The following PKHD1L1 variants were observed in gnomAD, a reference collection of about 807,000 sequenced individuals.
The protein encoded by PKHD1L1 is fibrocystin-L.
Under a neutral mutation model 462.9 loss-of-function variants are expected in PKHD1L1, and 434 were observed. That is an observed-to-expected ratio of 0.94 (90% CI 0.87 to 1.02). The LOEUF (loss-of-function observed/expected upper bound fraction) is 1.02, where lower values mean the gene tolerates loss of function less well. Ranked by LOEUF, PKHD1L1 falls within the 50% of genes least tolerant of loss-of-function variation. The pLI is 0.00. For synonymous variants in PKHD1L1, 1,781 were observed against 1,750.0 expected (o/e 1.02, Z -0.44); for missense variants, 5,202 against 5,096.1 (o/e 1.02, Z -0.63).
chr8:109,468,900 G>C (rs1817581597), intron 50 of PKHD1L1, among the ~76,000 whole-genome samples: 1 of 152,154 alleles, frequency 6.6e-6, no homozygotes, highest in Non-Finnish European at 1.5e-5. Flanking sequence ...GTAAGAAGCA[G>C]TGAATTTCTA....
chr8:109,426,876 C>A, intron 24 of PKHD1L1, 126 bp from the exon 25 acceptor site: 1 of 642,308 alleles, frequency 1.6e-6, no homozygotes, highest in South Asian at 1.8e-5. Context: ...TGATCTCAAA[C>A]GCCTGACCTC....
At chr8:109,411,125 A>C (rs967357237) in intron 19 of PKHD1L1, among the ~76,000 whole-genome samples, 19 of 152,008 alleles carry the variant, frequency 1.2e-4, no homozygotes, top group Admixed American at 5.9e-4. Context: ...GTTTTTATGT[A>C]TTATGTAGTT....
In PKHD1L1 at chr8:109,466,914, T is replaced by C. The variant is rs554873398; in HGVS notation, c.8605+145T>C. ...TAGAGTCCAAGCAGGAAACAAATAA[T>C]ACTCTCGAAGTAGGTGTTTGAGAAG... On this transcript the variant is annotated intron_variant, in intron 50 of 77. Coordinates refer to ENST00000378402, the MANE Select transcript of PKHD1L1 (RefSeq NM_177531.6). 333 of 766,278 alleles carry C rather than the reference T, an allele frequency of 4.3e-4. 2 individuals are homozygous for C. The highest frequency in any genetic ancestry group is 3.8e-4 in the Middle Eastern group (1 of 2,626). 47.5% of individuals were successfully genotyped at this position (766,278 alleles called of 1,614,324 possible). A position where few individuals can be genotyped will look rare whatever the true frequency, so the allele number is the denominator to read the frequency against.
At position 109,498,641 on chromosome 8, in the gene PKHD1L1, T is replaced by G. The variant is rs1819245494; in HGVS notation, c.10712-14T>G. 6.2e-7 allele frequency: 1 copy of G among 1,612,944 alleles called. No individual in the cohort carries two copies. Among genetic ancestry groups the G allele is most frequent in the Admixed American group, 1.7e-5 (1 of 59,974 alleles). ...ATATTCAATTTTCATTAACTTTTTC[T>G]TTTTTGGTAAAAGGTGGGAGAAGTG... On this transcript the variant is annotated splice_polypyrimidine_tract_variant and intron_variant, in intron 66 of 77. Transcript: ENST00000378402.
intron 23 of PKHD1L1, among the ~76,000 whole-genome samples, chr8:109,424,682 T>C (rs555030499): frequency 1.2e-4 from 19 of 152,184 alleles, no homozygotes; most frequent in Non-Finnish European, 2.1e-4. Flanking sequence ...TTTTCAAGAC[T>C]CCATGTACTA....
At position 109,438,467 on chromosome 8, in the gene PKHD1L1, C is replaced by A; in HGVS notation, c.3760+11C>A. ...TACGAACAATACTAGGTAAGAAATT[C>A]TTCAATAAGATTGGTCATTTGTCCT... On this transcript the variant is annotated intron_variant, in intron 31 of 77. Coordinates refer to ENST00000378402, the MANE Select transcript of PKHD1L1 (RefSeq NM_177531.6). The A allele has an allele frequency of 6.5e-7, 1 of 1,529,140 alleles. No individual in the cohort carries two copies. The allele number at this position is 1,529,140 out of a possible 1,614,324, so 94.7% of individuals were successfully genotyped here. A position where few individuals can be genotyped will look rare whatever the true frequency, so the allele number is the denominator to read the frequency against.
Position 109,442,170 on chromosome 8 carries a change from A to AAG in PKHD1L1, c.4369_4370dup (p.Ser1457ArgfsTer82), listed in dbSNP as rs1815833319. 6.2e-7 allele frequency: 1 copy of AAG among 1,612,090 alleles called. No individual in the cohort carries two copies. The highest frequency in any genetic ancestry group is 1.3e-5 in the African/African-American group (1 of 74,790). Reference sequence around the variant, plus strand: ...TAATTTATGATGGCAAAGGATTCACAAGTGGAAGACAAAAATCTACATCAG... The same window carrying AAG: ...TAATTTATGATGGCAAAGGATTCACAAGAGTGGAAGACAAAAATCTACATCAG... On this transcript the variant is annotated frameshift_variant, in exon 35 of 78. Coordinates refer to ENST00000378402, the MANE Select transcript of PKHD1L1 (RefSeq NM_177531.6). LOFTEE classifies it high-confidence loss of function.
chr8:109,450,661 C>T (rs897187812), intron 40 of PKHD1L1, among the ~76,000 whole-genome samples: 3 of 152,150 alleles, frequency 2.0e-5, no homozygotes, highest in Admixed American at 6.5e-5. Flanking sequence ...GTTCTTCCCT[C>T]CTTCCTGTTC....
At chr8:109,463,621 A>G (rs1227624127) in intron 48 of PKHD1L1, among the ~76,000 whole-genome samples, 1 of 152,174 alleles carries the variant, frequency 6.6e-6, no homozygotes, top group Non-Finnish European at 1.5e-5. Flanking sequence ...TTATTAAATC[A>G]TAGACCATTT....
At chr8:109,369,642 T>C (rs971961032) in intron 2 of PKHD1L1, among the ~76,000 whole-genome samples, 5 of 148,542 alleles carry the variant, frequency 3.4e-5, no homozygotes, top group African/African-American at 7.4e-5. Context: ...TATATATATA[T>C]ACATATCTCA....
chr8:109,442,800 C>T, intron 35 of PKHD1L1, 146 bp from the exon 36 acceptor site: 1 of 703,222 alleles, frequency 1.4e-6, no homozygotes, highest in Non-Finnish European at 2.2e-6. Flanking sequence ...TTTCTTACTA[C>T]ATTCTGTTGA....
At chr8:109,431,433 C>T (rs1815095293) in intron 27 of PKHD1L1, among the ~76,000 whole-genome samples, 1 of 151,984 alleles carries the variant, frequency 6.6e-6, no homozygotes, top group South Asian at 2.1e-4. Flanking sequence ...AAGCACCATC[C>T]CTAGACCTAG....
chr8:109,461,954 C>T (rs745870031), intron 48 of PKHD1L1, 46 bp downstream of exon 48: 14 of 1,552,382 alleles, frequency 9.0e-6, no homozygotes, highest in Non-Finnish European at 1.0e-5. Flanking sequence ...TCAAGGTTAT[C>T]CATACAAGAA....
chr8:109,515,869 G>T (rs758465509), intron 72 of PKHD1L1, among the ~76,000 whole-genome samples: 1 of 152,040 alleles, frequency 6.6e-6, no homozygotes, highest in African/African-American at 2.4e-5. Flanking sequence ...TGTTAAACAG[G>T]GTTCTAATGA....
intron 48 of PKHD1L1, among the ~76,000 whole-genome samples, chr8:109,462,787 G>A (rs931822367): frequency 1.3e-5 from 2 of 152,016 alleles, no homozygotes; most frequent in African/African-American, 4.8e-5. Flanking sequence ...TGATCCACAT[G>A]CCTCGGTCTC....
In PKHD1L1 at chr8:109,445,287, A is replaced by C; in HGVS notation, c.5418A>C (p.Pro1806=). ...NNITALVTPL[P]VGHHSVSVVV... ...TCACTGCTCTTGTGACTCCTCTCCC[A>C]GTTGGACATCATTCTGTTAGTGTTG... The change falls in exon 38 of 78, where the codon CCA becomes CCC. Residue 1806 remains proline (P), a synonymous_variant. Coordinates refer to ENST00000378402, the MANE Select transcript of PKHD1L1 (RefSeq NM_177531.6). 1 of 1,613,998 alleles carries C rather than the reference A, an allele frequency of 6.2e-7. No homozygotes were observed. Among genetic ancestry groups the C allele is most frequent in the Non-Finnish European group, 8.5e-7 (1 of 1,179,882 alleles).
chr8:109,388,993 A>G (rs1812573379), intron 7 of PKHD1L1, 86 bp from the exon 8 acceptor site: 1 of 898,794 alleles, frequency 1.1e-6, no homozygotes, highest in Non-Finnish European at 1.7e-6. Flanking sequence ...CATATTCTGA[A>G]ATTAATGAGT....
chr8:109,500,835 G>A (rs1255072915), intron 67 of PKHD1L1, among the ~76,000 whole-genome samples: 3 of 152,080 alleles, frequency 2.0e-5, no homozygotes, highest in African/African-American at 4.8e-5. Flanking sequence ...CCTCTGCATG[G>A]TGATCAGGAT....
intron 67 of PKHD1L1, among the ~76,000 whole-genome samples, chr8:109,503,167 T>A (rs1165313861): frequency 1.3e-5 from 2 of 151,530 alleles, no homozygotes; most frequent in Admixed American, 1.3e-4. Flanking sequence ...AATTAGCCAG[T>A]CATGGTGGCA....
Sources: allele counts gnomAD v4.1 joint callset (sites outside exome capture counted in the v4.1 genomes callset), GRCh38; gene constraint gnomAD v4.1.1; transcripts MANE v1.5; gene names NCBI Gene and HGNC (gene_info 2026-07-23, HGNC 2026-07-21).